Variants in MOBP observed in about 807,000 individuals in gnomAD.
MOBP encodes the protein myelin associated oligodendrocyte basic protein.
Under a neutral mutation model 15.0 loss-of-function variants are expected in MOBP, and 5 were observed. The ratio of observed to expected loss-of-function variants is 0.33; its 90% CI spans 0.17 to 0.70. The LOEUF (loss-of-function observed/expected upper bound fraction) is 0.70, where lower values mean the gene tolerates loss of function less well. Among genes scored for constraint, MOBP ranks in the 30% least tolerant of loss-of-function variants. MOBP has a pLI of 0.67. For missense variants in MOBP, 188 were observed against 257.8 expected (o/e 0.73, Z 1.85); for synonymous variants, 88 against 99.0 (o/e 0.89, Z 0.66).
downstream of MOBP, among the ~76,000 whole-genome samples, chr3:39,506,007 C>T (rs2043043493): frequency 6.6e-6 from 1 of 152,158 alleles, no homozygotes. Context: ...TTAAATCCTT[C>T]CCCTCAGCCT....
intron 2 of MOBP, among the ~76,000 whole-genome samples, chr3:39,489,690 C>CCCCT (rs3036563): frequency 6.7e-6 from 1 of 150,350 alleles, no homozygotes; most frequent in Non-Finnish European, 1.5e-5. Flanking sequence ...TATTGTTCCC[C>CCCCT]GCCCAGCTCC....
chr3:39,486,667 A>G (rs1352907008), intron 2 of MOBP, among the ~76,000 whole-genome samples: 1 of 152,124 alleles, frequency 6.6e-6, no homozygotes, highest in African/African-American at 2.4e-5. Flanking sequence ...AATGGTATCA[A>G]TTGTTATAAC....
downstream of MOBP, among the ~76,000 whole-genome samples, chr3:39,503,250 G>A (rs925027700): frequency 3.0e-5 from 3 of 99,750 alleles, no homozygotes; most frequent in African/African-American, 1.0e-4. Flanking sequence ...AAAGGAGAGG[G>A]TAATCCATTG....
At chr3:39,519,923 T>A (rs2125674438), downstream of MOBP, among the ~76,000 whole-genome samples, 1 of 151,238 alleles carries the variant, frequency 6.6e-6, no homozygotes, top group South Asian at 2.1e-4. Flanking sequence ...CATCTCTTTC[T>A]TCACCTCAAT....
chr3:39,480,560 G>A (rs1250793744), intron 2 of MOBP, among the ~76,000 whole-genome samples: 5 of 152,184 alleles, frequency 3.3e-5, no homozygotes, highest in African/African-American at 1.2e-4. Context: ...TTACACTCCA[G>A]GTAGCTCCAG....
intron 2 of MOBP, among the ~76,000 whole-genome samples, chr3:39,486,345 C>T (rs889122436): frequency 6.6e-6 from 1 of 152,076 alleles, no homozygotes; most frequent in East Asian, 1.9e-4. Flanking sequence ...TCTCATTCCA[C>T]GTGTTTGCTA....
At chr3:39,470,993 C>A (rs1401046468) in intron 1 of MOBP, among the ~76,000 whole-genome samples, 1 of 152,126 alleles carries the variant, frequency 6.6e-6, no homozygotes, top group Non-Finnish European at 1.5e-5. Flanking sequence ...GTGAAGGCAC[C>A]CAGATGACCA....
chr3:39,469,234 G>GTGTGTATATATACATATATACATA (rs1559412392), intron 1 of MOBP, among the ~76,000 whole-genome samples: 5 of 48,908 alleles, frequency 1.0e-4, no homozygotes, highest in East Asian at 2.7e-4. Context: ...ATATACATAT[G>GTGTGTATATATACATATATACATA]TGTGTGTATA....
chr3:39,472,397 A>G (rs1212460855), intron 1 of MOBP, among the ~76,000 whole-genome samples: 1 of 152,150 alleles, frequency 6.6e-6, no homozygotes, highest in Admixed American at 6.5e-5. Context: ...TTTCTCCTAA[A>G]TATCGAATTA....
chr3:39,489,305 G>A (rs2042759813), intron 2 of MOBP, among the ~76,000 whole-genome samples: 1 of 152,086 alleles, frequency 6.6e-6, no homozygotes. Context: ...GTCATACATT[G>A]GATATACTAC....
At position 39,471,831 on chromosome 3, in the gene MOBP, C is replaced by T. The variant is rs1030311633; in HGVS notation, c.-89+4091C>T. Among the ~76,000 whole-genome samples, 13 of 152,198 alleles carry T rather than the reference C, an allele frequency of 8.5e-5. No homozygotes were observed. In the South Asian group the frequency reaches 1.2e-3, roughly 15 times the overall value. On this transcript the variant is annotated intron_variant, in intron 1 of 3. Coordinates refer to ENST00000684792, the MANE Select transcript of MOBP (RefSeq NM_001393704.1). The stretch of plus-strand genomic sequence containing the variant: ...ATGTACTGAGATATAGACACCACAG[C>T]GCTCCCAAGAAGCAACAGGTGTGTG...
chr3:39,494,969 C>T (rs2042856003), intron 2 of MOBP, among the ~76,000 whole-genome samples: 1 of 152,098 alleles, frequency 6.6e-6, no homozygotes. Flanking sequence ...CCACAGTCCT[C>T]CAGGATTCAG....
chr3:39,528,566 G>C (rs1312977926), downstream of MOBP: 3 of 152,228 alleles, frequency 2.0e-5, no homozygotes, highest in South Asian at 4.1e-4. Context: ...GTGTATTGAT[G>C]AACCCCAATT....
At chr3:39,483,620 G>A (rs1372598073) in intron 2 of MOBP, among the ~76,000 whole-genome samples, 2 of 152,110 alleles carry the variant, frequency 1.3e-5, no homozygotes, top group African/African-American at 2.4e-5. Context: ...AATACAATTT[G>A]GGAGATTGGT....
chr3:39,480,622 C>T (rs961830827), intron 2 of MOBP, among the ~76,000 whole-genome samples: 21 of 152,200 alleles, frequency 1.4e-4, no homozygotes, highest in African/African-American at 4.3e-4. Context: ...GCCACTGTGC[C>T]TTCACCCTCT....
chr3:39,513,960 G>A (rs894014806), exon 5 of MOBP: 1 of 153,308 alleles, frequency 6.5e-6, no homozygotes, highest in African/African-American at 2.4e-5. Context: ...AGCCATAATT[G>A]GCTCTGGGGA....
At chr3:39,517,618 T>G (rs1490469535), downstream of MOBP, 1 of 152,194 alleles carries the variant, frequency 6.6e-6, no homozygotes, top group East Asian at 1.9e-4. Flanking sequence ...GTGTTAGTGG[T>G]TTTCTAAATG....
Position 39,468,830 on chromosome 3 carries a change from T to TGTGTGTATATATACATATATACATGA in MOBP, c.-89+1115_-89+1140dup, listed in dbSNP as rs1559411574. Among the ~76,000 whole-genome samples the TGTGTGTATATATACATATATACATGA allele has an allele frequency of 4.2e-4, 49 of 117,028 alleles. 2 individuals are homozygous for TGTGTGTATATATACATATATACATGA. The highest frequency in any genetic ancestry group is 6.3e-4 in the Non-Finnish European group (39 of 62,036). The allele number at this position is 117,028 out of a possible 152,430, so 76.8% of individuals were successfully genotyped here. On this transcript the variant is annotated intron_variant, in intron 1 of 3. Transcript: ENST00000684792. ...TATGTGTGTGTATACATATTACATA[T>TGTGTGTATATATACATATATACATGA]GTGTGTATATATACATATATACATG... is the stretch of plus-strand genomic sequence containing the variant.
chr3:39,484,324 AC>A (rs572993939), intron 2 of MOBP, among the ~76,000 whole-genome samples: 19 of 152,328 alleles, frequency 1.2e-4, no homozygotes, highest in Non-Finnish European at 2.2e-4. Flanking sequence ...CAGAGACCAA[AC>A]CCTGAGGGGT....
Sources: allele counts gnomAD v4.1 joint callset (sites outside exome capture counted in the v4.1 genomes callset), GRCh38; gene constraint gnomAD v4.1.1; transcripts MANE v1.5; gene names NCBI Gene and HGNC (gene_info 2026-07-23, HGNC 2026-07-21).